The following PPP6R2 variants were observed in gnomAD, a reference collection of about 807,000 sequenced individuals.
PPP6R2 encodes the protein protein phosphatase 6 regulatory subunit 2, also known as serine/threonine-protein phosphatase 6 regulatory subunit 2.
A neutral mutation model predicts 100.2 loss-of-function variants in PPP6R2; 62 were observed. The ratio of observed to expected loss-of-function variants is 0.62; its 90% CI spans 0.50 to 0.76. PPP6R2 has a LOEUF of 0.76. Among genes scored for constraint, PPP6R2 ranks in the 30% least tolerant of loss-of-function variants. The pLI, the probability that PPP6R2 is intolerant of heterozygous loss-of-function variation, is 0.00. For synonymous variants in PPP6R2, 525 were observed against 514.7 expected (o/e 1.02, Z -0.27); for missense variants, 1,142 against 1,276.3 (o/e 0.89, Z 1.60).
At chr22:50,382,248 C>T (rs1049483389) in intron 2 of PPP6R2, among the ~76,000 whole-genome samples, 2 of 152,056 alleles carry the variant, frequency 1.3e-5, no homozygotes. Context: ...AGCTATAATA[C>T]AGTCAATTCT....
At chr22:50,337,965 T>G in the PPP6R2 span, among the ~76,000 whole-genome samples, 1 of 131,510 alleles carries the variant, frequency 7.6e-6, no homozygotes, top group African/African-American at 2.9e-5. Flanking sequence ...GTGGTGTGTG[T>G]GGGTGTGTGT....
chr22:50,381,147 C>T (rs2052837601), intron 2 of PPP6R2, among the ~76,000 whole-genome samples: 1 of 151,492 alleles, frequency 6.6e-6, no homozygotes. Context: ...CTCAGTTACT[C>T]CCTCAAGAAT....
chr22:50,397,074 G>C (rs1361788022), intron 3 of PPP6R2, among the ~76,000 whole-genome samples: 1 of 152,164 alleles, frequency 6.6e-6, no homozygotes, highest in Non-Finnish European at 1.5e-5. Flanking sequence ...AGTGAGCCGG[G>C]AGAGTCTCAT....
At chr22:50,339,534 GGT>G (rs1217742800), upstream of PPP6R2, among the ~76,000 whole-genome samples, 43 of 135,464 alleles carry the variant, frequency 3.2e-4, no homozygotes, top group African/African-American at 8.1e-4. Flanking sequence ...TGTGGTGTGT[GGT>G]GTGTGTGTGG....
intron 15 of PPP6R2, 95 bp downstream of exon 15, chr22:50,437,163 C>A: frequency 8.1e-7 from 1 of 1,239,882 alleles, no homozygotes; most frequent in Non-Finnish European, 1.2e-6. Flanking sequence ...TGGCATCTCA[C>A]TAGCAAAGGG....
At chr22:50,338,825 GGGTGTGTGGTGTGTGTGT>G (rs1202872205), upstream of PPP6R2, among the ~76,000 whole-genome samples, 1 of 104,732 alleles carries the variant, frequency 9.5e-6, no homozygotes, top group Admixed American at 9.1e-5. Context: ...TGTGTGTGTA[GGGTGTGTGGTGTGTGTGT>G]GGTGTGTGGT....
At chr22:50,377,205 G>A (rs1257996966) in intron 2 of PPP6R2, among the ~76,000 whole-genome samples, 1 of 152,134 alleles carries the variant, frequency 6.6e-6, no homozygotes, top group Non-Finnish European at 1.5e-5. Flanking sequence ...TGTAATCCCA[G>A]TACTTTGGGA....
At chr22:50,392,940 TTACTA>T (rs2055949278) in intron 2 of PPP6R2, among the ~76,000 whole-genome samples, 1 of 152,238 alleles carries the variant, frequency 6.6e-6, no homozygotes. Flanking sequence ...CCATCTACTA[TTACTA>T]TAATTTTTAA....
chr22:50,372,777 C>T (rs1263587012), intron 2 of PPP6R2, among the ~76,000 whole-genome samples: 1 of 150,358 alleles, frequency 6.7e-6, no homozygotes, highest in Non-Finnish European at 1.5e-5. Flanking sequence ...CAACCTCCAC[C>T]TCCCGGGATC....
At chr22:50,438,875 G>T (rs1277702891) in intron 19 of PPP6R2, 113 bp downstream of exon 19, 11 of 1,127,882 alleles carry the variant, frequency 9.8e-6, no homozygotes, top group Non-Finnish European at 1.4e-5. Context: ...GGCTCACTGT[G>T]GCCCGGAGCC....
At chr22:50,390,434 C>T (rs2055229496) in intron 2 of PPP6R2, among the ~76,000 whole-genome samples, 1 of 152,132 alleles carries the variant, frequency 6.6e-6, no homozygotes, top group Non-Finnish European at 1.5e-5. Context: ...AAGCCGACTT[C>T]AAAACAAGGT....
rs553353373 is a variant in PPP6R2 at position 50,394,229 on chromosome 22, G to C, written c.227+94G>C. ...AGGATGGCCATAGTTGGGGATTTCT[G>C]ATGAAGAAGCGAGCCGTAAAAATCC... On this transcript the variant is annotated intron_variant, in intron 3 of 23. Transcript: ENST00000612753. The C allele has an allele frequency of 8.6e-6, 13 of 1,514,960 alleles. No individual in the cohort carries two copies. The South Asian group carries it at 1.0e-4, about 12-fold the overall frequency. 93.8% of individuals were successfully genotyped at this position (1,514,960 alleles called of 1,614,324 possible).
At chr22:50,370,432 C>CAT (rs2049820539) in intron 1 of PPP6R2, among the ~76,000 whole-genome samples, 2 of 151,576 alleles carry the variant, frequency 1.3e-5, no homozygotes, top group South Asian at 4.2e-4. Context: ...GGATTACAGG[C>CAT]GCCTGCCACC....
chr22:50,358,866 G>A (rs1484660640), intron 1 of PPP6R2, among the ~76,000 whole-genome samples: 1 of 151,582 alleles, frequency 6.6e-6, no homozygotes, highest in African/African-American at 2.4e-5. Flanking sequence ...AATTAAACAT[G>A]TCTGCAGGCT....
chr22:50,377,488 A>G (rs2148620817), intron 2 of PPP6R2, among the ~76,000 whole-genome samples: 1 of 152,224 alleles, frequency 6.6e-6, no homozygotes, highest in South Asian at 2.1e-4. Flanking sequence ...TAATAACAAA[A>G]TATATACAGT....
At chr22:50,405,481 G>A (rs867974122) in intron 3 of PPP6R2, among the ~76,000 whole-genome samples, 23 of 119,380 alleles carry the variant, frequency 1.9e-4, no homozygotes, top group African/African-American at 3.6e-4. Flanking sequence ...GGAGAGAGGC[G>A]AGAGGCCTGG....
Position 50,424,000 on chromosome 22 carries a change from G to A in PPP6R2, c.1125+386G>A, listed in dbSNP as rs999018266. Among the ~76,000 whole-genome samples, 13 of 152,258 alleles carry A rather than the reference G, an allele frequency of 8.5e-5. No homozygotes were observed. The highest frequency in any genetic ancestry group is 1.9e-4 in the Non-Finnish European group (13 of 68,048). ...AGAGAAGCTCCTGTCGTCCACAGTA[G>A]AAGGCCAACCTGGCAGTTTTTGTCA... On this transcript the variant is annotated intron_variant, in intron 10 of 23. Coordinates refer to ENST00000612753, the MANE Select transcript of PPP6R2 (RefSeq NM_001242898.2). This position sits in a 1 kb window ranked among gnomAD's most constrained non-coding sequence, Gnocchi z 4.8.
chr22:50,401,528 G>C (rs2058036358), intron 3 of PPP6R2, among the ~76,000 whole-genome samples: 1 of 123,190 alleles, frequency 8.1e-6, no homozygotes, highest in Non-Finnish European at 1.7e-5. Flanking sequence ...TTTTTTCTGA[G>C]ACAGAGTCTG....
upstream of PPP6R2, among the ~76,000 whole-genome samples, chr22:50,340,580 GGTGTGTGGTGTGT>G (rs1233414896): frequency 3.3e-5 from 4 of 120,780 alleles, no homozygotes; most frequent in Admixed American, 1.6e-4. Flanking sequence ...TGTGGTATGT[GGTGTGTGGTGTGT>G]GTGTGTGGTG....
Sources: gnomAD v4.1 joint callset for allele counts (sites outside exome capture counted in the v4.1 genomes callset) on GRCh38, gnomAD v4.1.1 for gene constraint, Gnocchi (gnomAD v3.1) non-coding constraint, MANE v1.5 for transcripts, NCBI Gene and HGNC (gene_info 2026-07-23, HGNC 2026-07-21) for gene names.